The following RBFOX3 variants were observed in gnomAD, a reference collection of about 807,000 sequenced individuals.
RBFOX3 encodes the protein RNA binding protein fox-1 homolog 3.
A neutral mutation model predicts 48.7 loss-of-function variants in RBFOX3; 17 were observed. The ratio of observed to expected loss-of-function variants is 0.35; its 90% CI spans 0.24 to 0.52. The LOEUF (loss-of-function observed/expected upper bound fraction) is 0.52. Among genes scored for constraint, RBFOX3 ranks in the 20% least tolerant of loss-of-function variants. The pLI is 0.94. For missense variants in RBFOX3, 382 were observed against 497.5 expected (o/e 0.77, Z 2.21); for synonymous variants, 212 against 209.5 (o/e 1.01, Z -0.10).
chr17:79,232,645 G>A (rs1168136327), intron 4 of RBFOX3, among the ~76,000 whole-genome samples: 1 of 152,154 alleles, frequency 6.6e-6, no homozygotes, highest in East Asian at 1.9e-4. Flanking sequence ...GAGATAAATC[G>A]TGGAACTAAA....
intron 1 of RBFOX3, among the ~76,000 whole-genome samples, chr17:79,573,193 C>G (rs2092737678): frequency 1.3e-5 from 2 of 152,152 alleles, no homozygotes; most frequent in African/African-American, 4.8e-5. Flanking sequence ...TAGAAGTCAC[C>G]CTCTCCAGAG....
chr17:79,435,263 C>T (rs2052598495), intron 2 of RBFOX3, among the ~76,000 whole-genome samples: 1 of 152,168 alleles, frequency 6.6e-6, no homozygotes, highest in African/African-American at 2.4e-5. Context: ...AATGGCACCA[C>T]ATGGAGGTTG....
chr17:79,148,036 C>T (rs1365084838), intron 4 of RBFOX3, among the ~76,000 whole-genome samples: 2 of 152,236 alleles, frequency 1.3e-5, no homozygotes, highest in African/African-American at 2.4e-5. Flanking sequence ...GGCGGATGTA[C>T]AGGGCCAGGC....
intron 1 of RBFOX3, among the ~76,000 whole-genome samples, chr17:79,568,579 T>TG (rs1174434542): frequency 3.9e-5 from 6 of 152,170 alleles, no homozygotes; most frequent in African/African-American, 1.4e-4. Context: ...CAACTAAAGC[T>TG]GGGGGTAATG....
chr17:79,662,143 T>TTTTTTTTTTTTTTG, the RBFOX3 span, among the ~76,000 whole-genome samples: 1 of 144,826 alleles, frequency 6.9e-6, no homozygotes. Flanking sequence ...TTTTTTTTTT[T>TTTTTTTTTTTTTTG]GAGTCGGAGT....
At chr17:79,437,361 T>C (rs1483994653) in intron 2 of RBFOX3, among the ~76,000 whole-genome samples, 1 of 152,174 alleles carries the variant, frequency 6.6e-6, no homozygotes, top group South Asian at 2.1e-4. Flanking sequence ...CTGGAGCTCC[T>C]CCAGAACCTT....
chr17:79,125,263 C>G (rs2147291818), intron 4 of RBFOX3, among the ~76,000 whole-genome samples: 1 of 152,324 alleles, frequency 6.6e-6, no homozygotes, highest in Admixed American at 6.5e-5. Context: ...GGGCTGTGCT[C>G]TGGGTGTACA....
the RBFOX3 span, among the ~76,000 whole-genome samples, chr17:79,625,051 G>T: frequency 6.6e-6 from 1 of 152,038 alleles, no homozygotes; most frequent in Non-Finnish European, 1.5e-5. Context: ...CAGTTTATGC[G>T]CTATGACATG....
chr17:79,377,691 G>C (rs2059390646), intron 2 of RBFOX3, among the ~76,000 whole-genome samples: 1 of 152,180 alleles, frequency 6.6e-6, no homozygotes, highest in Non-Finnish European at 1.5e-5. Flanking sequence ...GTAATCAGGG[G>C]CTTGGGACAC....
At chr17:79,325,751 A>G (rs1237887040) in intron 2 of RBFOX3, among the ~76,000 whole-genome samples, 1 of 152,034 alleles carries the variant, frequency 6.6e-6, no homozygotes, top group Non-Finnish European at 1.5e-5. Flanking sequence ...TTTGAGCTCC[A>G]ACCTCTTGGA....
intron 1 of RBFOX3, among the ~76,000 whole-genome samples, chr17:79,523,367 C>G (rs1316255580): frequency 2.6e-5 from 4 of 152,136 alleles, no homozygotes; most frequent in Non-Finnish European, 5.9e-5. Context: ...CTGAACTTGC[C>G]TAAATGTCAC....
At chr17:79,662,316 G>T in the RBFOX3 span, among the ~76,000 whole-genome samples, 2 of 151,634 alleles carry the variant, frequency 1.3e-5, no homozygotes, top group African/African-American at 4.8e-5. Flanking sequence ...TAGAGACAGG[G>T]TTTCACCATG....
At chr17:79,316,054 G>T (rs1158081230) in intron 2 of RBFOX3, among the ~76,000 whole-genome samples, 4 of 152,160 alleles carry the variant, frequency 2.6e-5, no homozygotes, top group Non-Finnish European at 5.9e-5. Context: ...GCTGGCACTG[G>T]AATCTGCCAA....
chr17:79,092,687 G>C, intron 14 of RBFOX3: 1 of 917,810 alleles, frequency 1.1e-6, no homozygotes, highest in Non-Finnish European at 1.3e-6. Flanking sequence ...CCGTCTTTTG[G>C]AAGAGGGGAA....
chr17:79,273,299 T>C (rs896229961), intron 3 of RBFOX3, among the ~76,000 whole-genome samples: 12 of 152,290 alleles, frequency 7.9e-5, no homozygotes, highest in Non-Finnish European at 1.5e-4. Flanking sequence ...CATTTTTTAT[T>C]GGTTGTGGGG....
chr17:79,380,952 C>G (rs2059834202), intron 2 of RBFOX3, among the ~76,000 whole-genome samples: 1 of 152,166 alleles, frequency 6.6e-6, no homozygotes, highest in South Asian at 2.1e-4. Context: ...TTATATTTCC[C>G]AGTAGTCACA....
intron 4 of RBFOX3, among the ~76,000 whole-genome samples, chr17:79,211,039 T>C (rs1277146749): frequency 7.1e-6 from 1 of 141,624 alleles, no homozygotes; most frequent in Non-Finnish European, 1.5e-5. Flanking sequence ...TCACATGTGC[T>C]ATGGTGTGCG....
rs1457550830 is a variant in RBFOX3 at position 79,423,146 on chromosome 17, A to T, written c.-175+59308T>A. On this transcript the variant is annotated intron_variant, in intron 2 of 14. Transcript: ENST00000693108. This position sits in a 1 kb window ranked among gnomAD's most constrained non-coding sequence, Gnocchi z 4.9. ...TCTTGGGTCCAGTGGCCAACTAGTC[A>T]CCCCCACCAGAGTTTTCAAACGTGT... Among the ~76,000 whole-genome samples the T allele has an allele frequency of 3.3e-5, 5 of 151,914 alleles. No individual in the cohort carries two copies. In the East Asian group the frequency reaches 9.7e-4, roughly 29 times the overall value.
chr17:79,450,673 A>G (rs1446343415), intron 2 of RBFOX3, among the ~76,000 whole-genome samples: 4 of 152,142 alleles, frequency 2.6e-5, no homozygotes, highest in African/African-American at 9.7e-5. Flanking sequence ...ATATGGGCCT[A>G]AGGAAGAAGA....
Sources: gnomAD v4.1 joint callset for allele counts (sites outside exome capture counted in the v4.1 genomes callset) on GRCh38, gnomAD v4.1.1 for gene constraint, Gnocchi (gnomAD v3.1) non-coding constraint, MANE v1.5 for transcripts, NCBI Gene and HGNC (gene_info 2026-07-23, HGNC 2026-07-21) for gene names.